The following CCSER1 variants were observed in gnomAD, a reference collection of about 807,000 sequenced individuals.
The protein encoded by CCSER1 is serine-rich coiled-coil domain-containing protein 1.
In CCSER1, 41 loss-of-function variants were observed where a neutral mutation model predicts 82.0. The observed-to-expected ratio is 0.50, with a 90% CI of 0.39 to 0.65. The LOEUF (loss-of-function observed/expected upper bound fraction) is 0.65, where lower values mean the gene tolerates loss of function less well. Ranked by LOEUF, CCSER1 falls within the 30% of genes least tolerant of loss-of-function variation. The pLI, the probability that CCSER1 is intolerant of heterozygous loss-of-function variation, is 0.00. For missense variants in CCSER1, 1,119 were observed against 1,064.2 expected (o/e 1.05, Z -0.72); for synonymous variants, 414 against 383.9 (o/e 1.08, Z -0.92).
chr4:91,089,761 C>T (rs1330616742), intron 10 of CCSER1, among the ~76,000 whole-genome samples: 2 of 152,320 alleles, frequency 1.3e-5, no homozygotes, highest in Non-Finnish European at 1.5e-5. Context: ...AATTTCCAAA[C>T]ATGGCCCCAG....
intron 10 of CCSER1, among the ~76,000 whole-genome samples, chr4:91,568,142 A>G (rs1762986275): frequency 6.6e-6 from 1 of 151,870 alleles, no homozygotes. Flanking sequence ...TTGGTTGAAG[A>G]TTTTCTTCTT....
chr4:90,560,301 C>T (rs1288690870), intron 5 of CCSER1, among the ~76,000 whole-genome samples: 1 of 151,884 alleles, frequency 6.6e-6, no homozygotes, highest in East Asian at 1.9e-4. Flanking sequence ...CATCCTAGAT[C>T]AGATTAAGGA....
intron 5 of CCSER1, among the ~76,000 whole-genome samples, chr4:90,597,028 G>T (rs1328218188): frequency 6.6e-6 from 1 of 151,898 alleles, no homozygotes; most frequent in Non-Finnish European, 1.5e-5. Flanking sequence ...GTCATGATTA[G>T]TTAGTGCTAA....
chr4:90,272,237 T>G (rs554678071), intron 1 of CCSER1, among the ~76,000 whole-genome samples: 30 of 152,078 alleles, frequency 2.0e-4, no homozygotes, highest in Non-Finnish European at 3.8e-4. Flanking sequence ...TTAATCTGAT[T>G]TTTAAATGGT....
At chr4:90,879,564 AGAAGAGGAAGAAGAAGAAGAG>A (rs1467209914) in intron 8 of CCSER1, among the ~76,000 whole-genome samples, 2 of 91,528 alleles carry the variant, frequency 2.2e-5, no homozygotes, top group Admixed American at 1.1e-4. Context: ...AGGAAGAAGA[AGAAGAGGAAGAAGAAGAAGAG>A]GAGGAGGAGG....
intron 10 of CCSER1, among the ~76,000 whole-genome samples, chr4:91,147,494 A>G (rs1729659864): frequency 6.6e-6 from 1 of 152,202 alleles, no homozygotes. Flanking sequence ...CCCCGCTCCC[A>G]TGCCAGCACA....
At chr4:91,095,984 A>G (rs1724471625) in intron 10 of CCSER1, among the ~76,000 whole-genome samples, 2 of 152,190 alleles carry the variant, frequency 1.3e-5, no homozygotes, top group Non-Finnish European at 2.9e-5. Context: ...GCTGGTGGTG[A>G]TCAGCCCAAG....
chr4:90,874,867 G>A (rs1458266370), intron 8 of CCSER1, among the ~76,000 whole-genome samples: 4 of 152,070 alleles, frequency 2.6e-5, no homozygotes, highest in Non-Finnish European at 5.9e-5. Flanking sequence ...CCAACATGGT[G>A]AAACCCCGTC....
chr4:90,972,785 A>C (rs1029267144), intron 9 of CCSER1, among the ~76,000 whole-genome samples: 2 of 151,782 alleles, frequency 1.3e-5, no homozygotes, highest in Admixed American at 6.6e-5. Flanking sequence ...AAGTAATCAA[A>C]ACTGTATAGT....
At chr4:91,492,910 A>G (rs1381672174) in intron 10 of CCSER1, among the ~76,000 whole-genome samples, 1 of 152,030 alleles carries the variant, frequency 6.6e-6, no homozygotes, top group African/African-American at 2.4e-5. Flanking sequence ...GTAGCATTGC[A>G]TGTGTGAAAT....
chr4:90,293,430 T>G (rs761940984), intron 1 of CCSER1, among the ~76,000 whole-genome samples: 12 of 151,556 alleles, frequency 7.9e-5, no homozygotes, highest in African/African-American at 1.2e-4. Context: ...ATTTAATTTG[T>G]TAATATACTT....
chr4:90,216,252 T>C (rs1741002245), intron 1 of CCSER1, among the ~76,000 whole-genome samples: 1 of 152,184 alleles, frequency 6.6e-6, no homozygotes, highest in Admixed American at 6.5e-5. Context: ...TACTCCTGGG[T>C]GATTGATTCA....
chr4:90,510,281 G>T (rs946404037), intron 5 of CCSER1, among the ~76,000 whole-genome samples: 10 of 152,084 alleles, frequency 6.6e-5, no homozygotes, highest in Non-Finnish European at 1.0e-4. Flanking sequence ...ATCAATAAAG[G>T]TATTAAATGG....
chr4:90,309,272 T>G lies in CCSER1; in HGVS notation c.988T>G (p.Cys330Gly). 6.2e-7 allele frequency: 1 copy of G among 1,613,900 alleles called. No individual in the cohort carries two copies. Among genetic ancestry groups the G allele is most frequent in the Non-Finnish European group, 8.5e-7 (1 of 1,179,834 alleles). Residue 330 changes from cysteine to glycine, a missense_variant, in exon 2 of 11, where the codon TGT becomes GGT. Coordinates refer to ENST00000509176, the MANE Select transcript of CCSER1 (RefSeq NM_001145065.2). Reference protein sequence around the residue: ...SPGKYRLEGQCSTESNSLPET... With the variant: ...SPGKYRLEGQGSTESNSLPET... ...TGGGAAATATAGGTTAGAGGGTCAA[T>G]GTAGCACTGAATCTAATTCATTACC...
chr4:91,427,753 A>G (rs1158291188), intron 10 of CCSER1, among the ~76,000 whole-genome samples: 1 of 152,126 alleles, frequency 6.6e-6, no homozygotes, highest in Admixed American at 6.5e-5. Flanking sequence ...ATAAAATTTG[A>G]CCCAATTGCA....
intron 6 of CCSER1, chr4:90,682,917 A>T (rs1439315828): frequency 6.6e-6 from 1 of 152,114 alleles, no homozygotes; most frequent in African/African-American, 2.4e-5. Context: ...AATCTTTCTC[A>T]GGTTATTTTT....
At chr4:90,612,782 T>C (rs987414423) in intron 5 of CCSER1, among the ~76,000 whole-genome samples, 3 of 152,186 alleles carry the variant, frequency 2.0e-5, no homozygotes, top group South Asian at 4.1e-4. Flanking sequence ...TTATTCCTTT[T>C]GGATAATACG....
At chr4:91,089,073 G>C (rs1336644874) in intron 10 of CCSER1, among the ~76,000 whole-genome samples, 1 of 152,148 alleles carries the variant, frequency 6.6e-6, no homozygotes, top group Non-Finnish European at 1.5e-5. Context: ...TCAGCTGAAA[G>C]CATCAGCAGA....
chr4:91,354,774 G>C (rs1469771473), intron 10 of CCSER1, among the ~76,000 whole-genome samples: 2 of 152,162 alleles, frequency 1.3e-5, no homozygotes, highest in African/African-American at 4.8e-5. Context: ...TTCTATTACA[G>C]TTTTTCCACA....
Sources: gnomAD v4.1 joint callset for allele counts (sites outside exome capture counted in the v4.1 genomes callset) on GRCh38, gnomAD v4.1.1 for gene constraint, MANE v1.5 for transcripts, NCBI Gene and HGNC (gene_info 2026-07-23, HGNC 2026-07-21) for gene names.